SPATA17: variants seen among roughly 807,000 people sequenced by gnomAD.
SPATA17 encodes spermatogenesis associated 17.
SPATA17 carries 53 observed loss-of-function variants against 62.2 expected under a neutral mutation model. That is an observed-to-expected ratio of 0.85 (90% CI 0.68 to 1.07). The LOEUF is 1.07. Among genes scored for constraint, SPATA17 ranks in the 50% least tolerant of loss-of-function variants. The pLI is 0.00. For missense variants in SPATA17, 466 were observed against 425.5 expected, an observed-to-expected ratio of 1.10 and a Z score of -0.84; for synonymous variants, 146 against 146.8, an observed-to-expected ratio of 0.99 and a Z score of 0.04.
At chr1:217,675,986 T>C (rs887203081) in intron 4 of SPATA17, among the ~76,000 whole-genome samples, 1 of 152,142 alleles carries the variant, frequency 6.6e-6, no homozygotes, top group Non-Finnish European at 1.5e-5. Flanking sequence ...TCATACCCTG[T>C]TTACTTGGAA....
intron 6 of SPATA17, among the ~76,000 whole-genome samples, chr1:217,747,204 A>G (rs7541152): frequency 0.052 from 7,959 of 152,192 alleles, 269 homozygotes; most frequent in African/African-American, 0.087. Flanking sequence ...TATTTAATAA[A>G]GTTATTTATT....
intron 8 of SPATA17, among the ~76,000 whole-genome samples, chr1:217,789,619 G>A (rs935408158): frequency 1.3e-4 from 20 of 152,158 alleles, no homozygotes; most frequent in Non-Finnish European, 2.6e-4. Flanking sequence ...AATACATGGA[G>A]GTCACACATT....
intron 5 of SPATA17, among the ~76,000 whole-genome samples, chr1:217,735,730 T>A (rs190802014): frequency 6.6e-6 from 1 of 152,158 alleles, no homozygotes; most frequent in Non-Finnish European, 1.5e-5. Flanking sequence ...AGGTTTTGTG[T>A]TTTTTGTTCT....
At chr1:217,770,556 C>A (rs537387137) in intron 6 of SPATA17, among the ~76,000 whole-genome samples, 2 of 151,798 alleles carry the variant, frequency 1.3e-5, no homozygotes, top group Admixed American at 1.3e-4. Context: ...ACCTTGGTAA[C>A]AAAGAGAAGA....
At chr1:217,660,629 C>G (rs1670545630) in intron 3 of SPATA17, among the ~76,000 whole-genome samples, 1 of 152,148 alleles carries the variant, frequency 6.6e-6, no homozygotes, top group South Asian at 2.1e-4. Flanking sequence ...ATGCCACACC[C>G]AAACTGAAGC....
intron 8 of SPATA17, among the ~76,000 whole-genome samples, chr1:217,784,788 G>A (rs184931202): frequency 5.9e-5 from 9 of 152,304 alleles, no homozygotes; most frequent in East Asian, 1.9e-4. Context: ...CTAGCCTGGA[G>A]AACCAGAAGT....
chr1:217,683,397 T>C, intron 5 of SPATA17, 36 bp downstream of exon 5: 1 of 1,313,780 alleles, frequency 7.6e-7, no homozygotes, highest in South Asian at 1.2e-5. Flanking sequence ...TAGGGAAAAC[T>C]TTGGAAAGAT....
intron 8 of SPATA17, among the ~76,000 whole-genome samples, chr1:217,788,925 A>T (rs1673927177): frequency 1.3e-5 from 2 of 152,214 alleles, no homozygotes; most frequent in South Asian, 4.1e-4. Context: ...TTGCTAGGTC[A>T]GACTTTGGTG....
chr1:217,735,569 A>G (rs1672494332), intron 5 of SPATA17, among the ~76,000 whole-genome samples: 1 of 152,222 alleles, frequency 6.6e-6, no homozygotes, highest in Non-Finnish European at 1.5e-5. Flanking sequence ...TTAGCAAGTC[A>G]TGCATGCATA....
intron 4 of SPATA17, among the ~76,000 whole-genome samples, chr1:217,680,989 G>A (rs1042416051): frequency 2.2e-5 from 3 of 134,822 alleles, no homozygotes; most frequent in African/African-American, 7.6e-5. Flanking sequence ...AGCACCTTGG[G>A]AGGCCAAGGC....
intron 5 of SPATA17, among the ~76,000 whole-genome samples, chr1:217,714,632 C>A (rs1315172457): frequency 6.6e-6 from 1 of 151,590 alleles, no homozygotes; most frequent in Non-Finnish European, 1.5e-5. Flanking sequence ...TACAGGTTCC[C>A]GCCAGCACGC....
At chr1:217,643,953 C>G (rs1670127601) in intron 1 of SPATA17, among the ~76,000 whole-genome samples, 1 of 152,054 alleles carries the variant, frequency 6.6e-6, no homozygotes, top group Non-Finnish European at 1.5e-5. Flanking sequence ...GTCTTGAACT[C>G]CTGACCTCAG....
chr1:217,631,357 G>GT lies in SPATA17; in HGVS notation c.-21dup, dbSNP rs1669761430. The GT allele has an allele frequency of 2.5e-6, 4 of 1,613,994 alleles. No individual in the cohort carries two copies. The Admixed American group carries it at 6.7e-5, about 27-fold the overall frequency. On this transcript the variant is annotated 5_prime_UTR_variant, in exon 1 of 11. Transcript: ENST00000366933. ...ATGGAGACCGGTAGTAACACCAGTTGTAAACCCAAGGCCAAGAGACCATGG... is the reference window on the plus strand; with the variant it reads ...ATGGAGACCGGTAGTAACACCAGTTGTTAAACCCAAGGCCAAGAGACCATGG...
chr1:217,816,667 T>C (rs1674724608), intron 9 of SPATA17, among the ~76,000 whole-genome samples: 1 of 152,046 alleles, frequency 6.6e-6, no homozygotes, highest in Non-Finnish European at 1.5e-5. Flanking sequence ...ATATAACTAG[T>C]TAAAAAATGA....
rs757545038 is a variant in SPATA17, at chr1:217,782,229, C to T, written c.779C>T (p.Pro260Leu). 1 of 1,612,570 alleles carries T rather than the reference C, an allele frequency of 6.2e-7. No individual in the cohort carries two copies. The highest frequency in any genetic ancestry group is 8.5e-7 in the Non-Finnish European group (1 of 1,179,202). The stretch of plus-strand genomic sequence containing the variant: ...GAACAACGCTACAGGCCTTTGGAGC[C>T]AACGTTGCGGGTGGCAGAACCAATC... ...VLEQRYRPLE[P>L]TLRVAEPIDE... Residue 260 changes from proline to leucine, a missense_variant, in exon 8 of 11, where the codon CCA (proline) becomes CTA (leucine). By Grantham distance (98) the Pro-to-Leu change is moderately conservative. Transcript: ENST00000366933.
intron 1 of SPATA17, among the ~76,000 whole-genome samples, chr1:217,645,714 T>C (rs898947331): frequency 6.6e-6 from 1 of 152,208 alleles, no homozygotes; most frequent in Non-Finnish European, 1.5e-5. Flanking sequence ...CTGGACATTA[T>C]GTTGTTGTAT....
At chr1:217,666,526 GTTT>G (rs56066765) in intron 3 of SPATA17, among the ~76,000 whole-genome samples, 1 of 145,430 alleles carries the variant, frequency 6.9e-6, no homozygotes, top group African/African-American at 2.5e-5. Context: ...ATTTACATGT[GTTT>G]TTTTTTTTAG....
intron 9 of SPATA17, among the ~76,000 whole-genome samples, chr1:217,855,687 G>T (rs918381450): frequency 4.0e-5 from 6 of 150,460 alleles, no homozygotes; most frequent in African/African-American, 1.5e-4. Flanking sequence ...ATGGGGAAAG[G>T]ACTAAATATG....
intron 5 of SPATA17, among the ~76,000 whole-genome samples, chr1:217,687,232 T>A (rs541320458): frequency 6.6e-6 from 1 of 152,262 alleles, no homozygotes; most frequent in African/African-American, 2.4e-5. Context: ...TTAATATATT[T>A]TTATATATAA....
Sources: gnomAD v4.1 joint callset for allele counts (sites outside exome capture counted in the v4.1 genomes callset) on GRCh38, gnomAD v4.1.1 for gene constraint, MANE v1.5 for transcripts, NCBI Gene and HGNC (gene_info 2026-07-23, HGNC 2026-07-21) for gene names.